The following PLA2R1 variants were observed in gnomAD, a reference collection of about 807,000 sequenced individuals.
The protein encoded by PLA2R1 is secretory phospholipase A2 receptor.
A neutral mutation model predicts 195.9 loss-of-function variants in PLA2R1; 158 were observed. The observed-to-expected ratio is 0.81, with a 90% confidence interval of 0.71 to 0.92. The LOEUF is 0.92. Ranked by LOEUF, PLA2R1 falls within the 40% of genes least tolerant of loss-of-function variation. The pLI is 0.00. For missense variants in PLA2R1, 1,626 were observed against 1,764.6 expected, an observed-to-expected ratio of 0.92 and a Z score of 1.41; for synonymous variants, 586 against 598.2, an observed-to-expected ratio of 0.98 and a Z score of 0.30.
chr2:160,023,689 A>G (rs1693300329), intron 6 of PLA2R1, among the ~76,000 whole-genome samples: 1 of 152,136 alleles, frequency 6.6e-6, no homozygotes, highest in Non-Finnish European at 1.5e-5. Context: ...CTTTCCTTTT[A>G]TGGATTCGCC....
intron 17 of PLA2R1, among the ~76,000 whole-genome samples, chr2:159,972,224 A>C (rs189202216): frequency 6.6e-6 from 1 of 152,214 alleles, no homozygotes. Flanking sequence ...GATATGGCAC[A>C]GAACTGAACT....
intron 21 of PLA2R1, 55 bp downstream of exon 21, chr2:159,956,455 T>C (rs1574663834): frequency 1.1e-6 from 1 of 897,588 alleles, no homozygotes; most frequent in East Asian, 2.4e-5. Flanking sequence ...GATATTTTAA[T>C]AAATACTTGA....
chr2:160,043,807 T>C (rs868769795), intron 2 of PLA2R1, among the ~76,000 whole-genome samples: 10 of 152,244 alleles, frequency 6.6e-5, no homozygotes, highest in African/African-American at 1.9e-4. Flanking sequence ...GCCTGGCCCT[T>C]GGCTCTGTCT....
At chr2:160,019,811 GTTTTTT>G (rs144246951) in intron 8 of PLA2R1, among the ~76,000 whole-genome samples, 2 of 151,464 alleles carry the variant, frequency 1.3e-5, no homozygotes, top group African/African-American at 4.9e-5. Flanking sequence ...CTCTCTGAGA[GTTTTTT>G]TTTAAGTCCA....
intron 20 of PLA2R1, among the ~76,000 whole-genome samples, chr2:159,967,175 GCA>G (rs1300959027): frequency 6.6e-6 from 1 of 151,970 alleles, no homozygotes; most frequent in East Asian, 1.9e-4. Flanking sequence ...ACATACACGT[GCA>G]CACACACGCA....
At chr2:159,963,177 C>G (rs988989003) in intron 20 of PLA2R1, among the ~76,000 whole-genome samples, 3 of 152,152 alleles carry the variant, frequency 2.0e-5, no homozygotes, top group African/African-American at 4.8e-5. Flanking sequence ...CCCTAGAGAC[C>G]ATGCCAGGAT....
At chr2:160,003,250 A>G (rs1020251941) in intron 11 of PLA2R1, among the ~76,000 whole-genome samples, 1 of 152,058 alleles carries the variant, frequency 6.6e-6, no homozygotes, top group African/African-American at 2.4e-5. Context: ...ATAAGGTTAT[A>G]TTTTTATAAT....
At chr2:160,043,686 A>T (rs1694688865) in intron 2 of PLA2R1, among the ~76,000 whole-genome samples, 1 of 152,196 alleles carries the variant, frequency 6.6e-6, no homozygotes, top group Non-Finnish European at 1.5e-5. Context: ...GAGTGTGGGT[A>T]TGTGGCTAAA....
chr2:159,969,667 C>A (rs1284385340), intron 18 of PLA2R1, among the ~76,000 whole-genome samples: 1 of 152,074 alleles, frequency 6.6e-6, no homozygotes, highest in African/African-American at 2.4e-5. Flanking sequence ...TTAGCCCCCC[C>A]AAGTAGCTGG....
intron 25 of PLA2R1, among the ~76,000 whole-genome samples, chr2:159,949,241 C>T (rs146755930): frequency 1.2e-3 from 187 of 152,228 alleles, no homozygotes; most frequent in African/African-American, 4.2e-3. Context: ...ACGTAAGCCT[C>T]GTCCTGTCTT....
chr2:160,045,024 G>A lies in PLA2R1; in HGVS notation c.243C>T (p.Leu81=), dbSNP rs775352933. Residue 81 remains leucine, a synonymous_variant, in exon 2 of 30, where the codon CTC becomes CTT. Coordinates refer to ENST00000283243, the MANE Select transcript of PLA2R1 (RefSeq NM_007366.5). ...MLWKWVSNHG[L]FNIGGSGCLG... ...GGCAACCACTGCCTCCTATGTTAAA[G>A]AGGCCATGGTTTGAAACCCATTTCC... 2 of 1,614,222 alleles carry A rather than the reference G, an allele frequency of 1.2e-6. No homozygotes were observed. Among genetic ancestry groups the A allele is most frequent in the South Asian group, 2.2e-5 (2 of 91,088 alleles).
chr2:160,004,863 A>T (rs1383582418), intron 11 of PLA2R1, among the ~76,000 whole-genome samples: 3 of 152,176 alleles, frequency 2.0e-5, no homozygotes, highest in Non-Finnish European at 4.4e-5. Context: ...TCAGAGCTGA[A>T]CACCTGAGGA....
Position 160,062,435 on chromosome 2 carries a change from GTCCCGGGAGCCCCTTA to G in PLA2R1, c.-48_-33del, listed in dbSNP as rs1027215687. Reference sequence around the variant, plus strand: ...CCACTGGGCTCTCCGGGAGCCCCTTGTCCCGGGAGCCCCTTATCCCGGGAGCCCAGAGCCGCGTCCC... The same window carrying G: ...CCACTGGGCTCTCCGGGAGCCCCTTGTCCCGGGAGCCCAGAGCCGCGTCCC... On this transcript the variant is annotated 5_prime_UTR_variant, in exon 1 of 30. Coordinates refer to ENST00000283243, the MANE Select transcript of PLA2R1 (RefSeq NM_007366.5). 5.9e-6 allele frequency: 9 copies of G among 1,519,698 alleles called. No individual in the cohort carries two copies. The highest frequency in any genetic ancestry group is 5.4e-5 in the East Asian group (2 of 37,182). 94.1% of individuals were successfully genotyped at this position (1,519,698 alleles called of 1,614,324 possible).
intron 12 of PLA2R1, among the ~76,000 whole-genome samples, chr2:159,986,117 G>A (rs1240047046): frequency 6.6e-6 from 1 of 152,018 alleles, no homozygotes; most frequent in Non-Finnish European, 1.5e-5. Context: ...CTAGACTTCG[G>A]TTGCTTCTTG....
chr2:159,989,089 A>G (rs532776494), intron 11 of PLA2R1, among the ~76,000 whole-genome samples: 8 of 152,338 alleles, frequency 5.3e-5, no homozygotes, highest in Non-Finnish European at 8.8e-5. Flanking sequence ...GCTATCCCTC[A>G]CATAGAAGAA....
At chr2:160,000,576 T>C (rs1691522743) in intron 11 of PLA2R1, among the ~76,000 whole-genome samples, 1 of 152,082 alleles carries the variant, frequency 6.6e-6, no homozygotes, top group African/African-American at 2.4e-5. Flanking sequence ...ATGAAAGAGA[T>C]GAGATCCAGA....
intron 11 of PLA2R1, among the ~76,000 whole-genome samples, chr2:160,005,092 A>G (rs1691882795): frequency 6.6e-6 from 1 of 152,206 alleles, no homozygotes; most frequent in Non-Finnish European, 1.5e-5. Context: ...TAATAAAGGC[A>G]GTGGTGGTCC....
intron 10 of PLA2R1, among the ~76,000 whole-genome samples, chr2:160,012,861 G>A (rs1030483348): frequency 6.6e-6 from 1 of 152,064 alleles, no homozygotes; most frequent in Admixed American, 6.5e-5. Flanking sequence ...GCAGTGAGCT[G>A]AGACTGCACC....
At chr2:159,989,629 C>T (rs896004103) in intron 11 of PLA2R1, among the ~76,000 whole-genome samples, 3 of 152,110 alleles carry the variant, frequency 2.0e-5, no homozygotes, top group African/African-American at 7.2e-5. Context: ...AATAATAATT[C>T]CTTTTCTTCT....
Sources: allele counts gnomAD v4.1 joint callset (sites outside exome capture counted in the v4.1 genomes callset), GRCh38; gene constraint gnomAD v4.1.1; transcripts MANE v1.5; gene names NCBI Gene and HGNC (gene_info 2026-07-23, HGNC 2026-07-21).